CPQ: variants seen among roughly 807,000 people sequenced by gnomAD.
CPQ encodes the protein Ser-Met dipeptidase.
A neutral mutation model predicts 45.7 loss-of-function variants in CPQ; 37 were observed. The observed-to-expected ratio is 0.81, with a 90% CI of 0.62 to 1.07. CPQ has a LOEUF of 1.07. Among genes scored for constraint, CPQ ranks in the 50% least tolerant of loss-of-function variants. CPQ has a pLI of 0.00. For synonymous variants in CPQ, 186 were observed against 205.8 expected (o/e 0.90, Z 0.82); for missense variants, 537 against 572.9 (o/e 0.94, Z 0.64).
At chr8:96,917,990 T>C (rs1223955360) in intron 4 of CPQ, among the ~76,000 whole-genome samples, 2 of 152,164 alleles carry the variant, frequency 1.3e-5, no homozygotes, top group East Asian at 1.9e-4. Context: ...TTTAGCCGTA[T>C]AGAGTGTACT....
chr8:96,657,019 CTT>C (rs201700797), intron 1 of CPQ, among the ~76,000 whole-genome samples: 61 of 143,756 alleles, frequency 4.2e-4, no homozygotes, highest in Middle Eastern at 3.6e-3. Flanking sequence ...CTCTGGTTAC[CTT>C]TTTTTTTTTT....
At chr8:96,667,177 G>T (rs1178216572) in intron 1 of CPQ, among the ~76,000 whole-genome samples, 1 of 152,066 alleles carries the variant, frequency 6.6e-6, no homozygotes, top group Non-Finnish European at 1.5e-5. Context: ...AGTGTCTGAA[G>T]ACCTAGATTC....
chr8:96,712,322 C>G (rs566004172), intron 1 of CPQ, among the ~76,000 whole-genome samples: 4 of 152,276 alleles, frequency 2.6e-5, no homozygotes, highest in African/African-American at 7.2e-5. Context: ...ATCTGGAGGA[C>G]AGTGGCCCTC....
At chr8:96,916,710 A>ACAGG (rs1407480689) in intron 4 of CPQ, among the ~76,000 whole-genome samples, 10 of 152,196 alleles carry the variant, frequency 6.6e-5, no homozygotes, top group African/African-American at 2.4e-4. Context: ...AGGATCTTAT[A>ACAGG]CAGGGTACCA....
intron 1 of CPQ, among the ~76,000 whole-genome samples, chr8:96,751,186 C>T (rs542807068): frequency 1.4e-4 from 22 of 152,190 alleles, no homozygotes; most frequent in Non-Finnish European, 3.2e-4. Flanking sequence ...GGCATTTCTG[C>T]TTCTAGATCT....
At chr8:97,139,619 TA>T (rs1030910948) in intron 7 of CPQ, among the ~76,000 whole-genome samples, 1 of 151,814 alleles carries the variant, frequency 6.6e-6, no homozygotes, top group Non-Finnish European at 1.5e-5. Flanking sequence ...TTTTGAAAAT[TA>T]AAAAAATGCA....
chr8:96,850,563 TTTTTA>T (rs1270668092), intron 3 of CPQ, among the ~76,000 whole-genome samples: 2,251 of 146,850 alleles, frequency 0.015, 58 homozygotes, highest in African/African-American at 0.051. Context: ...CTGATTTTTA[TTTTTA>T]TTTTATTTTA....
intron 5 of CPQ, among the ~76,000 whole-genome samples, chr8:97,023,982 T>C (rs780633592): frequency 7.9e-5 from 12 of 152,186 alleles, no homozygotes; most frequent in Non-Finnish European, 1.6e-4. Context: ...GTTACAACTC[T>C]CTTTGTTTAC....
chr8:96,844,581 G>T (rs1489817020), intron 3 of CPQ, among the ~76,000 whole-genome samples: 1 of 152,296 alleles, frequency 6.6e-6, no homozygotes, highest in African/African-American at 2.4e-5. Flanking sequence ...GTTGTTGAGA[G>T]AATTAAATGA....
chr8:96,729,147 C>A (rs1809878758), intron 1 of CPQ, among the ~76,000 whole-genome samples: 1 of 152,166 alleles, frequency 6.6e-6, no homozygotes, highest in Non-Finnish European at 1.5e-5. Flanking sequence ...AAAACTCTCG[C>A]AAGAGAAGTC....
At chr8:96,683,153 C>A (rs1273233329) in intron 1 of CPQ, among the ~76,000 whole-genome samples, 3 of 151,874 alleles carry the variant, frequency 2.0e-5, no homozygotes, top group Non-Finnish European at 2.9e-5. Flanking sequence ...TAGAGATTAT[C>A]CATTTGCTTT....
intron 1 of CPQ, among the ~76,000 whole-genome samples, chr8:96,762,690 G>C (rs1810419807): frequency 6.6e-6 from 1 of 152,060 alleles, no homozygotes; most frequent in South Asian, 2.1e-4. Flanking sequence ...TTTTACGGGG[G>C]AGAAAGAAGG....
intron 7 of CPQ, among the ~76,000 whole-genome samples, chr8:97,122,231 C>A (rs1037113046): frequency 2.6e-5 from 4 of 151,970 alleles, no homozygotes; most frequent in Admixed American, 6.6e-5. Flanking sequence ...AAAATCATTA[C>A]AATCAACTAG....
chr8:96,981,990 T>C (rs1468705150), intron 5 of CPQ, among the ~76,000 whole-genome samples: 1 of 152,146 alleles, frequency 6.6e-6, no homozygotes, highest in Non-Finnish European at 1.5e-5. Flanking sequence ...TCAAACATAA[T>C]CTAGGAAAAA....
intron 2 of CPQ, among the ~76,000 whole-genome samples, chr8:96,819,205 A>C (rs1338807842): frequency 9.3e-6 from 1 of 107,100 alleles, no homozygotes; most frequent in Non-Finnish European, 2.2e-5. Context: ...TGAGGGGCTA[A>C]TATGAGGGAG....
rs113977408 is a variant in CPQ, at chr8:97,074,663, C to T, written c.1255+8453C>T. ...GCGGGTGCCTGTAATCCTAGCTACC[C>T]GGGAGGCTGAGGCAGGAGAATCGCT... On this transcript the variant is annotated intron_variant, in intron 7 of 7. Transcript: ENST00000220763. Among the ~76,000 whole-genome samples the T allele has an allele frequency of 4.8e-3, 730 of 152,044 alleles. 6 individuals carry two copies. The highest frequency in any genetic ancestry group is 0.017 in the African/African-American group (699 of 41,458).
intron 2 of CPQ, among the ~76,000 whole-genome samples, chr8:96,790,727 C>T (rs555927329): frequency 2.0e-5 from 3 of 152,258 alleles, no homozygotes; most frequent in South Asian, 2.1e-4. Context: ...CAGACTCTTA[C>T]TGTTCTCATC....
At chr8:97,089,191 C>T (rs547016759) in intron 7 of CPQ, among the ~76,000 whole-genome samples, 6 of 143,346 alleles carry the variant, frequency 4.2e-5, no homozygotes, top group East Asian at 2.0e-4. Flanking sequence ...TGTGGTGAGC[C>T]GAGATCGTGC....
In CPQ at chr8:97,078,763, T is replaced by TTCTCTCTCTCTCTCTCTCTCTCTCTCTC. The variant is rs749278181; in HGVS notation, c.1255+12570_1255+12597dup. 3.0e-5 allele frequency among the ~76,000 whole-genome samples: 3 copies of TTCTCTCTCTCTCTCTCTCTCTCTCTCTC among 100,364 alleles called. No homozygotes were observed. In the South Asian group the frequency reaches 1.3e-3, roughly 42 times the overall value. 65.8% of individuals were successfully genotyped at this position (100,364 alleles called of 152,430 possible). A position where few individuals can be genotyped will look rare whatever the true frequency, so the allele number is the denominator to read the frequency against. ...ACTCTAAATATGATATCATTTCCAT[T>TTCTCTCTCTCTCTCTCTCTCTCTCTCTC]TCTCTCTCTCTCTCTCTCTCTCTCT... On this transcript the variant is annotated intron_variant, in intron 7 of 7. Transcript: ENST00000220763.
Sources: gnomAD v4.1 joint callset for allele counts (sites outside exome capture counted in the v4.1 genomes callset) on GRCh38, gnomAD v4.1.1 for gene constraint, MANE v1.5 for transcripts, NCBI Gene and HGNC (gene_info 2026-07-23, HGNC 2026-07-21) for gene names.